The following CALCOCO2 variants were observed in gnomAD, a reference collection of about 807,000 sequenced individuals.
CALCOCO2 encodes calcium-binding and coiled-coil domain-containing protein 2.
Under a neutral mutation model 62.5 loss-of-function variants are expected in CALCOCO2, and 42 were observed. The ratio of observed to expected loss-of-function variants is 0.67; its 90% CI spans 0.53 to 0.87. CALCOCO2 has a LOEUF of 0.87. CALCOCO2 is among the 40% of genes least tolerant of loss of function. CALCOCO2 has a pLI of 0.00. For missense variants in CALCOCO2, 456 were observed against 515.0 expected (o/e 0.89, Z 1.11); for synonymous variants, 167 against 173.0 (o/e 0.97, Z 0.27).
At chr17:48,861,669 A>ATG (rs1205583786) in intron 11 of CALCOCO2, among the ~76,000 whole-genome samples, 2 of 119,138 alleles carry the variant, frequency 1.7e-5, no homozygotes, top group Admixed American at 8.9e-5. Context: ...GTGTATATAT[A>ATG]TATATATAAA....
chr17:48,843,748 A>G (rs900759778), intron 2 of CALCOCO2, among the ~76,000 whole-genome samples: 2 of 152,240 alleles, frequency 1.3e-5, no homozygotes, highest in Non-Finnish European at 2.9e-5. Flanking sequence ...AGCAAAGCGT[A>G]TAGGTCACAT....
chr17:48,851,128 G>A lies in CALCOCO2; in HGVS notation c.583G>A (p.Glu195Lys), dbSNP rs2040123960. Residue 195 changes from glutamate to lysine, a missense_variant, in exon 6 of 13, where the codon GAA becomes AAA. Around this residue, in one of 3 missense-constraint regions of CALCOCO2, gnomAD observed 236 missense variants for 225.3 expected, o/e 1.05. Transcript: ENST00000258947. ...ETLQSINKKL[E>K]LKVKEQKDYW... is the part of the protein sequence containing the mutation. ...CCTACAGAGCATCAATAAGAAGTTG[G>A]AACTGAAAGTGAAAGAACAGAAGGA... is the stretch of plus-strand genomic sequence containing the variant. 1.2e-6 allele frequency: 2 copies of A among 1,611,210 alleles called. No homozygotes were observed. Among genetic ancestry groups the A allele is most frequent in the Admixed American group, 3.3e-5 (2 of 59,992 alleles).
At chr17:48,847,027 C>G (rs1354694668) in intron 2 of CALCOCO2, among the ~76,000 whole-genome samples, 1 of 152,100 alleles carries the variant, frequency 6.6e-6, no homozygotes, top group Non-Finnish European at 1.5e-5. Flanking sequence ...TTGCTGCATC[C>G]TTATGTCTTA....
intron 2 of CALCOCO2, chr17:48,846,475 A>G: frequency 6.7e-7 from 1 of 1,500,000 alleles, no homozygotes; most frequent in South Asian, 1.2e-5. Flanking sequence ...AATTGGAACA[A>G]GAACTACTCA....
chr17:48,841,802 A>T lies in CALCOCO2; in HGVS notation c.95A>T (p.Tyr32Phe). The change falls in exon 2 of 13, where the codon TAC becomes TTC. Residue 32 changes from tyrosine (Y) to phenylalanine (F), a missense_variant. Coordinates refer to ENST00000258947, the MANE Select transcript of CALCOCO2 (RefSeq NM_005831.5). Reference protein sequence around the residue: ...QVIFNSVEKFYIPGGDVTCHY... With the variant: ...QVIFNSVEKFFIPGGDVTCHY... ...ATCTTTAACAGTGTGGAGAAGTTCTACATCCCTGGAGGGGACGTCACATGT... is the reference window on the plus strand; with the variant it reads ...ATCTTTAACAGTGTGGAGAAGTTCTTCATCCCTGGAGGGGACGTCACATGT... 1 of 1,613,636 alleles carries T rather than the reference A, an allele frequency of 6.2e-7. No individual in the cohort carries two copies. The highest frequency in any genetic ancestry group is 8.5e-7 in the Non-Finnish European group (1 of 1,179,578).
Position 48,852,965 on chromosome 17 carries a change from A to G in CALCOCO2, c.865A>G (p.Met289Val), listed in dbSNP as rs1160814626. 13 of 1,613,738 alleles carry G rather than the reference A, an allele frequency of 8.1e-6. No individual in the cohort carries two copies. The highest frequency in any genetic ancestry group is 1.1e-5 in the Non-Finnish European group (13 of 1,179,762). ...QKKLEQTVEQMKQNETTAMKK... is the reference protein window; with the variant it reads ...QKKLEQTVEQVKQNETTAMKK... ...GAAGCTCGAGCAGACAGTGGAGCAA[A>G]TGAAGCAGAATGAAACTACTGCAAT... is the stretch of plus-strand genomic sequence containing the variant. The change falls in exon 9 of 13, where the codon ATG becomes GTG. Residue 289 changes from methionine to valine, a missense_variant. Around this residue, in one of 3 missense-constraint regions of CALCOCO2, gnomAD observed 172 missense variants for 210.3 expected, o/e 0.82. Transcript: ENST00000258947.
Position 48,844,671 on chromosome 17 carries a change from C to T in CALCOCO2, c.180+2784C>T, listed in dbSNP as rs2040021985. On this transcript the variant is annotated intron_variant, in intron 2 of 12. Coordinates refer to ENST00000258947, the MANE Select transcript of CALCOCO2 (RefSeq NM_005831.5). ...TAGCTGGGATGACAGGGACCCACCA[C>T]CATGCGCAGCTAATTTTTGTATTTT... 1.3e-5 allele frequency among the ~76,000 whole-genome samples: 2 copies of T among 152,072 alleles called. 1 individual carries two copies. The highest frequency in any genetic ancestry group is 4.1e-4 in the South Asian group (2 of 4,828).
Position 48,853,017 on chromosome 17 carries a change from G to A in CALCOCO2, c.912+5G>A, listed in dbSNP as rs1196316059. ...AAGAAACAACAGGAATTAATGGCATGTCTGTCTTTGGATGGTTATGTGGGA... is the reference window on the plus strand; with the variant it reads ...AAGAAACAACAGGAATTAATGGCATATCTGTCTTTGGATGGTTATGTGGGA... On this transcript the variant is annotated splice_donor_5th_base_variant and intron_variant, in intron 9 of 12. Transcript: ENST00000258947. 3 of 1,597,036 alleles carry A rather than the reference G, an allele frequency of 1.9e-6. No individual in the cohort carries two copies. Among genetic ancestry groups the A allele is most frequent in the Non-Finnish European group, 2.6e-6 (3 of 1,164,494 alleles).
At chr17:48,850,311 G>A (rs1279414272) in intron 5 of CALCOCO2, among the ~76,000 whole-genome samples, 3 of 149,418 alleles carry the variant, frequency 2.0e-5, no homozygotes, top group Non-Finnish European at 3.0e-5. Flanking sequence ...AAAAAAATTA[G>A]CCAGGCATGG....
Position 48,851,173 on chromosome 17 carries a change from C to T in CALCOCO2, c.628C>T (p.Leu210Phe). The T allele has an allele frequency of 6.3e-7, 1 of 1,582,916 alleles. No homozygotes were observed. The highest frequency in any genetic ancestry group is 8.7e-7 in the Non-Finnish European group (1 of 1,151,700). ...EQKDYWETEL[L>F]QLKEQNQKMS... is the part of the protein sequence containing the mutation. ...GAAGGACTATTGGGAGACAGAGCTG[C>T]TTCAGTGAGTGCATCCCATAATTCT... is the stretch of plus-strand genomic sequence containing the variant. Residue 210 changes from leucine (L) to phenylalanine (F), a missense_variant, in exon 6 of 13, where the codon CTT becomes TTT. Physicochemically the swap from Leu to Phe is conservative, Grantham distance 22 (BLOSUM62 0). This residue lies in a region of CALCOCO2 where 236 missense variants were observed against 225.3 expected (regional missense o/e 1.05). Transcript: ENST00000258947.
intron 9 of CALCOCO2, chr17:48,855,882 AT>A: frequency 6.6e-5 from 18 of 273,408 alleles, no homozygotes; most frequent in East Asian, 1.2e-4. Flanking sequence ...AAAAAAAAAA[AT>A]TGGCATCTTG....
chr17:48,851,333 T>G, intron 6 of CALCOCO2, 156 bp downstream of exon 6: 1 of 637,472 alleles, frequency 1.6e-6, no homozygotes. Context: ...AGAAAATTGG[T>G]ATCAGAATAG....
intron 1 of CALCOCO2, among the ~76,000 whole-genome samples, chr17:48,840,155 G>A (rs2039957648): frequency 6.6e-6 from 1 of 151,850 alleles, no homozygotes. Context: ...TTTGAGGCAG[G>A]GGCTTGCTCT....
intron 4 of CALCOCO2, chr17:48,848,935 G>C: frequency 2.2e-6 from 1 of 454,608 alleles, no homozygotes; most frequent in Admixed American, 2.7e-5. Flanking sequence ...TTAAAACACT[G>C]TCCTTGGCCT....
At chr17:48,839,931 T>C (rs2039954074) in intron 1 of CALCOCO2, among the ~76,000 whole-genome samples, 1 of 152,032 alleles carries the variant, frequency 6.6e-6, no homozygotes, top group Admixed American at 6.6e-5. Flanking sequence ...TGCCTCAGCT[T>C]CCCAAAGTGC....
rs541658172 is a variant in CALCOCO2 at position 48,856,538 on chromosome 17, C to G, written c.1008+351C>G. 4.6e-4 allele frequency: 210 copies of G among 458,596 alleles called. 5 individuals are homozygous for G. The highest frequency in any genetic ancestry group is 3.2e-3 in the South Asian group (205 of 64,586). 28.4% of individuals were successfully genotyped at this position (458,596 alleles called of 1,614,324 possible). ...TTTATGCTAGTGGGGAACTCCTTTTCTTCAGCACAACTTTTTCCTTTTTCT... is the reference window on the plus strand; with the variant it reads ...TTTATGCTAGTGGGGAACTCCTTTTGTTCAGCACAACTTTTTCCTTTTTCT... On this transcript the variant is annotated intron_variant, in intron 10 of 12. Coordinates refer to ENST00000258947, the MANE Select transcript of CALCOCO2 (RefSeq NM_005831.5).
chr17:48,849,568 C>T (rs192245568), intron 5 of CALCOCO2, among the ~76,000 whole-genome samples, 191 bp downstream of exon 5: 40 of 152,132 alleles, frequency 2.6e-4, no homozygotes, highest in African/African-American at 6.3e-4. Context: ...TGCAAGGGTG[C>T]GATCCTGGCT....
In CALCOCO2 at chr17:48,858,051, GAATA is replaced by G. The variant is rs2040264472; in HGVS notation, c.1008+1865_1008+1868del. Among the ~76,000 whole-genome samples the G allele has an allele frequency of 2.5e-5, 3 of 120,870 alleles. No individual in the cohort carries two copies. In the South Asian group the frequency reaches 8.5e-4, roughly 34 times the overall value. 79.3% of individuals were successfully genotyped at this position (120,870 alleles called of 152,430 possible). The stretch of plus-strand genomic sequence containing the variant: ...ATAGAATAGAATAGAATAGAAAATA[GAATA>G]GAATAGAATAGAATAGAATTTTACC... On this transcript the variant is annotated intron_variant, in intron 10 of 12. Transcript: ENST00000258947.
chr17:48,848,049 T>G lies in CALCOCO2; in HGVS notation c.181-15T>G. 1 of 1,508,176 alleles carries G rather than the reference T, an allele frequency of 6.6e-7. No individual in the cohort carries two copies. Among genetic ancestry groups the G allele is most frequent in the Non-Finnish European group, 9.2e-7 (1 of 1,085,262 alleles). The allele number at this position is 1,508,176 out of a possible 1,614,324, so 93.4% of individuals were successfully genotyped here. A position where few individuals can be genotyped will look rare whatever the true frequency, so the allele number is the denominator to read the frequency against. On this transcript the variant is annotated splice_polypyrimidine_tract_variant and intron_variant, in intron 2 of 12. Transcript: ENST00000258947. ...CCCCTTTCAGGTACTAAATAAGAACTTCTTGTCATTGCAGGTGGGGTGGAA... is the reference window on the plus strand; with the variant it reads ...CCCCTTTCAGGTACTAAATAAGAACGTCTTGTCATTGCAGGTGGGGTGGAA...
Sources: gnomAD v4.1 joint callset for allele counts (sites outside exome capture counted in the v4.1 genomes callset) on GRCh38, gnomAD v4.1.1 for gene constraint, gnomAD v4.1.1 regional missense constraint, MANE v1.5 for transcripts, NCBI Gene and HGNC (gene_info 2026-07-23, HGNC 2026-07-21) for gene names.